MAD1L1: variants seen among roughly 807,000 people sequenced by gnomAD.
MAD1L1 encodes the protein mitotic arrest deficient 1 like 1.
A neutral mutation model predicts 96.9 loss-of-function variants in MAD1L1; 95 were observed. The observed-to-expected ratio is 0.98, with a 90% CI of 0.83 to 1.16. The LOEUF is 1.16. Among genes scored for constraint, MAD1L1 ranks in the 50% most tolerant of loss-of-function variants. The probability of loss-of-function intolerance (pLI) is 0.00; values close to 1 mark genes in which losing one functional copy is unlikely to be tolerated. For synonymous variants in MAD1L1, 473 were observed against 396.6 expected (o/e 1.19, Z -2.29); for missense variants, 1,007 against 954.4 (o/e 1.06, Z -0.73).
chr7:2,059,153 C>A, intron 12 of MAD1L1, among the ~76,000 whole-genome samples: 1 of 116,358 alleles, frequency 8.6e-6, no homozygotes, highest in African/African-American at 3.4e-5. Flanking sequence ...GGGAGTGTGG[C>A]CAGAGGAGAA....
Position 2,230,145 on chromosome 7 carries a change from T to A in MAD1L1, c.-10-2A>T, listed in dbSNP as rs1317142803. On this transcript the variant is annotated splice_acceptor_variant, in intron 2 of 18. Transcript: ENST00000265854. LOFTEE classifies it low-confidence loss of function (5UTR_SPLICE). Reference sequence around the variant, plus strand: ...CCCAGGTCTTCCATGGTTGCTTTCCTTCCGGGGACAGACAAAGGACTGGTC... The same window carrying A: ...CCCAGGTCTTCCATGGTTGCTTTCCATCCGGGGACAGACAAAGGACTGGTC... The A allele has an allele frequency of 6.3e-7, 1 of 1,580,168 alleles. No individual in the cohort carries two copies. Among genetic ancestry groups the A allele is most frequent in the East Asian group, 2.3e-5 (1 of 43,358 alleles).
chr7:1,818,796 C>G (rs1251427521), intron 18 of MAD1L1, among the ~76,000 whole-genome samples: 1 of 151,382 alleles, frequency 6.6e-6, no homozygotes, highest in African/African-American at 2.4e-5. Context: ...ACAGCACCTC[C>G]TCTCTGCCGG....
chr7:1,844,522 G>C (rs979569884), intron 18 of MAD1L1, among the ~76,000 whole-genome samples: 19 of 152,168 alleles, frequency 1.2e-4, no homozygotes, highest in African/African-American at 4.6e-4. Flanking sequence ...AGGGGGCAGA[G>C]GCGGCCCAGG....
intron 14 of MAD1L1, among the ~76,000 whole-genome samples, chr7:1,988,955 G>A (rs901805877): frequency 6.6e-6 from 1 of 152,236 alleles, no homozygotes; most frequent in Non-Finnish European, 1.5e-5. Flanking sequence ...TGCCCAGCAA[G>A]ACTGAGAGCC....
At chr7:2,000,351 C>G (rs528411698) in intron 14 of MAD1L1, among the ~76,000 whole-genome samples, 2 of 152,326 alleles carry the variant, frequency 1.3e-5, no homozygotes, top group East Asian at 3.9e-4. Context: ...CATTGCGGCC[C>G]TGCACAGAGC....
intron 12 of MAD1L1, 116 bp downstream of exon 12, chr7:2,069,078 T>G (rs1374943046): frequency 7.3e-7 from 1 of 1,376,460 alleles, no homozygotes; most frequent in African/African-American, 1.5e-5. Context: ...AGGGCCAAAG[T>G]GCCAACCCTG....
At chr7:2,177,786 GA>G (rs2128598979) in intron 10 of MAD1L1, among the ~76,000 whole-genome samples, 2 of 152,292 alleles carry the variant, frequency 1.3e-5, no homozygotes, top group East Asian at 3.9e-4. Context: ...ACGCCTGCCT[GA>G]AAGCTCGGGA....
chr7:1,919,304 C>T (rs1005182253), intron 17 of MAD1L1, among the ~76,000 whole-genome samples: 23 of 152,268 alleles, frequency 1.5e-4, no homozygotes, highest in East Asian at 5.8e-4. Flanking sequence ...CCGTCCAACA[C>T]GGCTGCCCCG....
chr7:2,091,155 T>A (rs1786190926), intron 11 of MAD1L1, among the ~76,000 whole-genome samples: 1 of 152,182 alleles, frequency 6.6e-6, no homozygotes, highest in Non-Finnish European at 1.5e-5. Flanking sequence ...TTTTCTGCAT[T>A]TCCTTACTTT....
rs1778635462 is a variant in MAD1L1 at position 1,936,802 on chromosome 7, C to T, written c.1692G>A (p.Leu564=). 6.3e-7 allele frequency: 1 copy of T among 1,594,038 alleles called. No homozygotes were observed. The highest frequency in any genetic ancestry group is 1.8e-5 in the Admixed American group (1 of 56,944). Residue 564 remains leucine (L), a synonymous_variant, in exon 17 of 19, where the codon CTG becomes CTA. Transcript: ENST00000265854. ...CGCGCAGTCGCTCGCACTCCGCCTG[C>T]AGCTGGCTGTGGTCCTCGCGCAGGC... is the stretch of plus-strand genomic sequence containing the variant. ...RQRLREDHSQ[L]QAECERLRGL...
At chr7:1,879,457 A>C (rs1189862438) in intron 18 of MAD1L1, among the ~76,000 whole-genome samples, 1 of 12,076 alleles carries the variant, frequency 8.3e-5, no homozygotes, top group Non-Finnish European at 1.5e-4. Flanking sequence ...CTTCATCTCC[A>C]AAAAAAAAAA....
intron 17 of MAD1L1, among the ~76,000 whole-genome samples, chr7:1,901,714 G>C (rs1308433401): frequency 6.6e-6 from 1 of 152,172 alleles, no homozygotes; most frequent in African/African-American, 2.4e-5. Context: ...CTGACCTCCA[G>C]GGCTACCCCA....
chr7:2,081,056 G>T (rs1328484284), intron 11 of MAD1L1, among the ~76,000 whole-genome samples: 1 of 152,216 alleles, frequency 6.6e-6, no homozygotes, highest in South Asian at 2.1e-4. Context: ...CCTGAGCCCA[G>T]GAAGAGAGAG....
At chr7:1,900,047 G>C (rs937462795) in intron 17 of MAD1L1, among the ~76,000 whole-genome samples, 22 of 152,228 alleles carry the variant, frequency 1.4e-4, no homozygotes, top group Non-Finnish European at 7.3e-5. Context: ...TGTTAGGCCA[G>C]ATCACGTGCC....
At chr7:2,090,065 G>T (rs1054351309) in intron 11 of MAD1L1, among the ~76,000 whole-genome samples, 1 of 152,244 alleles carries the variant, frequency 6.6e-6, no homozygotes, top group Non-Finnish European at 1.5e-5. Context: ...TCCCTTGTCA[G>T]GAATGGCATG....
intron 10 of MAD1L1, among the ~76,000 whole-genome samples, chr7:2,180,153 AT>A (rs1791132876): frequency 6.6e-6 from 1 of 152,160 alleles, no homozygotes; most frequent in Non-Finnish European, 1.5e-5. Flanking sequence ...AAGCTAAGAA[AT>A]GAGCTGTCCA....
At chr7:2,118,519 C>T (rs926291292) in intron 11 of MAD1L1, among the ~76,000 whole-genome samples, 5 of 152,202 alleles carry the variant, frequency 3.3e-5, no homozygotes, top group Non-Finnish European at 5.9e-5. Flanking sequence ...GGCATGAACG[C>T]GGCAAGATAC....
intron 18 of MAD1L1, among the ~76,000 whole-genome samples, chr7:1,852,411 G>C (rs1784025291): frequency 6.6e-6 from 1 of 152,142 alleles, no homozygotes; most frequent in Non-Finnish European, 1.5e-5. Flanking sequence ...GCCCCTCCAA[G>C]GGTCCCCCTC....
At chr7:1,890,452 A>G (rs1462463060) in intron 18 of MAD1L1, among the ~76,000 whole-genome samples, 1 of 152,116 alleles carries the variant, frequency 6.6e-6, no homozygotes, top group African/African-American at 2.4e-5. Flanking sequence ...GTTCCTCTTC[A>G]TCTCCCGCCA....
Sources: allele counts gnomAD v4.1 joint callset (sites outside exome capture counted in the v4.1 genomes callset), GRCh38; gene constraint gnomAD v4.1.1; transcripts MANE v1.5; gene names NCBI Gene and HGNC (gene_info 2026-07-23, HGNC 2026-07-21).